The following MME variants were observed in gnomAD, a reference collection of about 807,000 sequenced individuals.
MME encodes the protein neprilysin.
MME carries 98 observed loss-of-function variants against 113.2 expected under a neutral mutation model. That is an observed-to-expected ratio of 0.87 (90% CI 0.74 to 1.02). The LOEUF (loss-of-function observed/expected upper bound fraction) is 1.02, where lower values mean the gene tolerates loss of function less well. Among genes scored for constraint, MME ranks in the 50% least tolerant of loss-of-function variants. MME has a pLI of 0.00. For missense variants in MME, 836 were observed against 896.0 expected, an observed-to-expected ratio of 0.93 and a Z score of 0.86; for synonymous variants, 292 against 300.6, an observed-to-expected ratio of 0.97 and a Z score of 0.30.
intron 1 of MME, among the ~76,000 whole-genome samples, chr3:155,063,081 G>A (rs2108137270): frequency 7.1e-6 from 1 of 140,180 alleles, no homozygotes; most frequent in South Asian, 2.2e-4. Flanking sequence ...AACTAAATAT[G>A]TAATTAATGA....
At chr3:155,136,074 A>T (rs73012317) in intron 8 of MME, among the ~76,000 whole-genome samples, 2,777 of 152,322 alleles carry the variant, frequency 0.018, 80 homozygotes, top group African/African-American at 0.063. Flanking sequence ...GTATAGAATC[A>T]TATCATTAGT....
At chr3:155,051,850 A>G (rs1235768124) in intron 1 of MME, among the ~76,000 whole-genome samples, 1 of 152,126 alleles carries the variant, frequency 6.6e-6, no homozygotes, top group Non-Finnish European at 1.5e-5. Flanking sequence ...ATTAACTCAA[A>G]AGTCCTAGTC....
chr3:155,061,454 A>AAG (rs1470271779), intron 1 of MME, among the ~76,000 whole-genome samples: 34 of 151,350 alleles, frequency 2.2e-4, no homozygotes, highest in African/African-American at 7.5e-4. Context: ...CCATCTCAAA[A>AAG]AAAAAAAAAA....
At chr3:155,077,973 G>A (rs1714817558), upstream of MME, among the ~76,000 whole-genome samples, 1 of 151,294 alleles carries the variant, frequency 6.6e-6, no homozygotes, top group Non-Finnish European at 1.5e-5. Context: ...GGGAGACCGA[G>A]GTGTGTAGAT....
intron 8 of MME, 116 bp from the exon 9 acceptor site, chr3:155,137,986 T>C (rs1720764696): frequency 8.6e-7 from 1 of 1,163,100 alleles, no homozygotes; most frequent in Admixed American, 1.9e-5. Context: ...AAAGGATTTT[T>C]ATTTTACTAA....
chr3:155,042,482 TAC>T (rs1158403789), intron 1 of MME, among the ~76,000 whole-genome samples: 1 of 152,178 alleles, frequency 6.6e-6, no homozygotes, highest in African/African-American at 2.4e-5. Context: ...CACACGCATG[TAC>T]ACACATGTTT....
chr3:155,153,728 T>C (rs945047309), intron 16 of MME, among the ~76,000 whole-genome samples: 1 of 152,182 alleles, frequency 6.6e-6, no homozygotes, highest in African/African-American at 2.4e-5. Context: ...AGGAATCTCA[T>C]TGGTGCATCT....
At chr3:155,129,040 G>A (rs966604414) in intron 8 of MME, among the ~76,000 whole-genome samples, 3 of 152,064 alleles carry the variant, frequency 2.0e-5, no homozygotes, top group African/African-American at 7.2e-5. Flanking sequence ...TACAATCAAT[G>A]GGTATCATAC....
chr3:155,039,681 AT>A (rs1347840189), intron 1 of MME, among the ~76,000 whole-genome samples: 2 of 152,136 alleles, frequency 1.3e-5, no homozygotes, highest in Non-Finnish European at 2.9e-5. Context: ...GAATTCCTGG[AT>A]TTTAGAAAAC....
chr3:155,094,647 T>C (rs1716575993), intron 3 of MME, among the ~76,000 whole-genome samples: 1 of 152,230 alleles, frequency 6.6e-6, no homozygotes, highest in African/African-American at 2.4e-5. Flanking sequence ...CAACATTTGA[T>C]TTGATTGCTG....
intron 1 of MME, among the ~76,000 whole-genome samples, chr3:155,048,221 T>A (rs1209369917): frequency 6.6e-6 from 1 of 152,168 alleles, no homozygotes; most frequent in African/African-American, 2.4e-5. Flanking sequence ...TCCTAAGAAT[T>A]TCCCCCTAAC....
At chr3:155,059,470 A>G (rs1041423734) in intron 1 of MME, among the ~76,000 whole-genome samples, 2 of 152,182 alleles carry the variant, frequency 1.3e-5, no homozygotes, top group Non-Finnish European at 2.9e-5. Flanking sequence ...CTCATCTTAC[A>G]GATAAGAAAA....
intron 1 of MME, among the ~76,000 whole-genome samples, chr3:155,054,638 G>A (rs1012432908): frequency 1.2e-4 from 19 of 152,066 alleles, no homozygotes; most frequent in East Asian, 3.9e-4. Flanking sequence ...AGGTCATGGC[G>A]AAATCCTGTA....
chr3:155,116,402 C>A, intron 4 of MME, 77 bp from the exon 5 acceptor site: 1 of 1,102,534 alleles, frequency 9.1e-7, no homozygotes. Context: ...ATGTTAATTA[C>A]TGCAAATGAG....
intron 4 of MME, 82 bp from the exon 5 acceptor site, chr3:155,116,397 A>G (rs1718606768): frequency 1.9e-6 from 2 of 1,062,188 alleles, no homozygotes; most frequent in Non-Finnish European, 1.5e-6. Context: ...TGCAAATGTT[A>G]ATTACTGCAA....
In MME at chr3:155,172,635, C is replaced by T. The variant is rs761477132; in HGVS notation, c.2153+23C>T. 4 of 1,556,734 alleles carry T rather than the reference C, an allele frequency of 2.6e-6. No individual in the cohort carries two copies. The Admixed American group carries it at 6.7e-5, about 26-fold the overall frequency. On this transcript the variant is annotated intron_variant, in intron 22 of 22. Transcript: ENST00000360490. The stretch of plus-strand genomic sequence containing the variant: ...CAGGTGCGTGGATATGAACAGCAAT[C>T]AAGGTGCTCTTATATTGGGTCCATT...
chr3:155,026,288 C>A (rs1397759805), intron 1 of MME, among the ~76,000 whole-genome samples: 1 of 152,090 alleles, frequency 6.6e-6, no homozygotes, highest in African/African-American at 2.4e-5. Flanking sequence ...TCAGGAAACT[C>A]AAATGGGTTA....
chr3:155,069,066 G>A (rs992190729), intron 1 of MME, among the ~76,000 whole-genome samples: 11 of 152,182 alleles, frequency 7.2e-5, no homozygotes, highest in Admixed American at 1.3e-4. Context: ...TAGGTTTCAC[G>A]AGAGCATGGG....
At chr3:155,171,571 TC>T (rs1711976084) in intron 20 of MME, among the ~76,000 whole-genome samples, 1 of 152,342 alleles carries the variant, frequency 6.6e-6, no homozygotes, top group Admixed American at 6.5e-5. Context: ...TGAGGCTCAG[TC>T]CATTTTGTCC....
Sources: gnomAD v4.1 joint callset for allele counts (sites outside exome capture counted in the v4.1 genomes callset) on GRCh38, gnomAD v4.1.1 for gene constraint, MANE v1.5 for transcripts, NCBI Gene and HGNC (gene_info 2026-07-23, HGNC 2026-07-21) for gene names.